AP3B2: variants seen among roughly 807,000 people sequenced by gnomAD.
The protein encoded by AP3B2 is AP-3 complex subunit beta-2.
A neutral mutation model predicts 126.9 loss-of-function variants in AP3B2; 50 were observed. The observed-to-expected ratio is 0.39, with a 90% CI of 0.31 to 0.50. The LOEUF is 0.50. Among genes scored for constraint, AP3B2 ranks in the 20% least tolerant of loss-of-function variants. The pLI is 0.79. For missense variants in AP3B2, 1,177 were observed against 1,426.4 expected, an observed-to-expected ratio of 0.83 and a Z score of 2.82; for synonymous variants, 541 against 565.0, an observed-to-expected ratio of 0.96 and a Z score of 0.60.
chr15:82,673,950 A>C (rs965290640), intron 14 of AP3B2, among the ~76,000 whole-genome samples: 7 of 152,208 alleles, frequency 4.6e-5, no homozygotes, highest in Admixed American at 1.3e-4. Context: ...CCTGCTAGGC[A>C]GTTTCCCCAG....
rs968558186 is a variant in AP3B2, at chr15:82,688,293, A to G, written c.360+443T>C. ...ACCTAACATATGTAAATCCAACTAGAGGCCTTGGGCAAAATGAAACAAAAG... is the reference window on the plus strand; with the variant it reads ...ACCTAACATATGTAAATCCAACTAGGGGCCTTGGGCAAAATGAAACAAAAG... On this transcript the variant is annotated intron_variant, in intron 4 of 26. Transcript: ENST00000535359. 4.8e-6 allele frequency: 3 copies of G among 629,238 alleles called. No homozygotes were observed. In the African/African-American group the frequency reaches 5.5e-5, roughly 11 times the overall value. The allele number at this position is 629,238 out of a possible 1,614,324, so 39.0% of individuals were successfully genotyped here.
intron 14 of AP3B2, among the ~76,000 whole-genome samples, chr15:82,673,477 G>A (rs113854764): frequency 1.8e-4 from 27 of 152,224 alleles, no homozygotes; most frequent in Admixed American, 3.9e-4. Flanking sequence ...GGCTCCCAAA[G>A]TGCTGGGATT....
chr15:82,704,403 G>A (rs1241173365), intron 1 of AP3B2, among the ~76,000 whole-genome samples: 1 of 152,190 alleles, frequency 6.6e-6, no homozygotes, highest in African/African-American at 2.4e-5. Flanking sequence ...TTTCTGAGTT[G>A]TAGTTCCTTG....
Position 82,665,544 on chromosome 15 carries a change from G to C in AP3B2, c.1884C>G (p.Ser628=). 1.2e-6 allele frequency: 2 copies of C among 1,614,000 alleles called. No homozygotes were observed. Among genetic ancestry groups the C allele is most frequent in the Non-Finnish European group, 1.7e-6 (2 of 1,179,888 alleles). Residue 628 remains serine, a synonymous_variant, in exon 16 of 27, where the codon TCC becomes TCG. Coordinates refer to ENST00000535359, the MANE Select transcript of AP3B2 (RefSeq NM_001278512.2). This position sits in a 1 kb window ranked among gnomAD's most constrained non-coding sequence, Gnocchi z 4.4. ...DRDHFQLGSL[S]HLLNAKATGY... is the part of the protein sequence containing the mutation. ...CTGTGGCCTTGGCATTAAGCAGGTG[G>C]GACAGTGAGCCCAGCTGGAAGTGGT...
rs1016911665 is a variant in AP3B2 at position 82,688,948 on chromosome 15, AGT to A, written c.265-119_265-118del. On this transcript the variant is annotated intron_variant, in intron 3 of 26. Coordinates refer to ENST00000535359, the MANE Select transcript of AP3B2 (RefSeq NM_001278512.2). ...GCGGTCCATGGGGACAAACTCTCCCAGTGGGGGAGAGCACCCCTGAGTGTATC... is the reference window on the plus strand; with the variant it reads ...GCGGTCCATGGGGACAAACTCTCCCAGGGGGAGAGCACCCCTGAGTGTATC... 5.7e-6 allele frequency: 6 copies of A among 1,045,216 alleles called. No individual in the cohort carries two copies. The African/African-American group carries it at 7.9e-5, about 14-fold the overall frequency. 64.7% of individuals were successfully genotyped at this position (1,045,216 alleles called of 1,614,324 possible).
In AP3B2 at chr15:82,681,596, G is replaced by T; in HGVS notation, c.361-16C>A. ...GGTTGGGATCCTAAAGGCAGAGGTG[G>T]AGGCAGAGCTATGAAAGGGCACCAG... On this transcript the variant is annotated splice_polypyrimidine_tract_variant and intron_variant, in intron 4 of 26. Coordinates refer to ENST00000535359, the MANE Select transcript of AP3B2 (RefSeq NM_001278512.2). This position sits in a 1 kb window ranked among gnomAD's most constrained non-coding sequence, Gnocchi z 4.0. The T allele has an allele frequency of 6.2e-7, 1 of 1,610,416 alleles. No homozygotes were observed.
Position 82,679,750 on chromosome 15 carries a change from G to T in AP3B2, c.1161C>A (p.Pro387=), listed in dbSNP as rs1596181062. The change falls in exon 10 of 27, where the codon CCC becomes CCA. Residue 387 remains proline (P), a synonymous_variant. Transcript: ENST00000535359. ...TCACCTTCAGGATCTTAATCTGGGTGGGGTCGGTGGACCTGATGTAGAAGC... is the reference window on the plus strand; with the variant it reads ...TCACCTTCAGGATCTTAATCTGGGTTGGGTCGGTGGACCTGATGTAGAAGC... ...LKSFYIRSTD[P]TQIKILKLEV... 1 of 1,613,858 alleles carries T rather than the reference G, an allele frequency of 6.2e-7. No homozygotes were observed. The highest frequency in any genetic ancestry group is 8.5e-7 in the Non-Finnish European group (1 of 1,179,806).
Position 82,665,878 on chromosome 15 carries a change from C to T in AP3B2, c.1853-303G>A, listed in dbSNP as rs949562996. On this transcript the variant is annotated intron_variant, in intron 15 of 26. Transcript: ENST00000535359. The surrounding 1 kb of genome is among the most constrained non-coding windows in gnomAD (Gnocchi z 4.4). ...TGCCGACCTGTCTGCTCAGCATGCA[C>T]GTCTAGTCAGGCTCTGGACTCAGCA... Among the ~76,000 whole-genome samples, 15 of 152,160 alleles carry T rather than the reference C, an allele frequency of 9.9e-5. No homozygotes were observed. The highest frequency in any genetic ancestry group is 2.4e-4 in the African/African-American group (10 of 41,440).
At position 82,680,028 on chromosome 15, in the gene AP3B2, T is replaced by TG; in HGVS notation, c.1110+146dup. 2 of 1,200,872 alleles carry TG rather than the reference T, an allele frequency of 1.7e-6. No individual in the cohort carries two copies. The highest frequency in any genetic ancestry group is 2.3e-6 in the Non-Finnish European group (2 of 853,994). The allele number at this position is 1,200,872 out of a possible 1,614,324, so 74.4% of individuals were successfully genotyped here. On this transcript the variant is annotated intron_variant, in intron 9 of 26. Transcript: ENST00000535359. This position sits in a 1 kb window ranked among gnomAD's most constrained non-coding sequence, Gnocchi z 6.1. Reference sequence around the variant, plus strand: ...CCAGGCCCTGCTCCCTATCTGTATTTGGAGCCTCCCCTGCCCCATCCTCTG... The same window carrying TG: ...CCAGGCCCTGCTCCCTATCTGTATTTGGGAGCCTCCCCTGCCCCATCCTCTG...
At chr15:82,705,545 G>T (rs1433948527) in intron 1 of AP3B2, among the ~76,000 whole-genome samples, 1 of 152,008 alleles carries the variant, frequency 6.6e-6, no homozygotes, top group Non-Finnish European at 1.5e-5. Context: ...CTTCATCTCA[G>T]CCTCTCTTCG....
chr15:82,680,699 C>G lies in AP3B2; in HGVS notation c.828G>C (p.Glu276Asp). The change falls in exon 8 of 27, where the codon GAG (glutamate) becomes GAC (aspartate). Residue 276 changes from glutamate (E) to aspartate (D), a missense_variant. By Grantham distance (45) the Glu-to-Asp change is conservative. Coordinates refer to ENST00000535359, the MANE Select transcript of AP3B2 (RefSeq NM_001278512.2). This position sits in a 1 kb window ranked among gnomAD's most constrained non-coding sequence, Gnocchi z 6.1. The part of the protein sequence containing the change: ...EKAFYGSEED[E>D]AKGAGSEETA... ...TCTCCTCAGACCCCGCGCCCTTGGC[C>G]TCGTCCTCCTCTGAGCCGTAGAAGG... is the stretch of plus-strand genomic sequence containing the variant. 2 of 1,568,006 alleles carry G rather than the reference C, an allele frequency of 1.3e-6. No homozygotes were observed. The highest frequency in any genetic ancestry group is 8.6e-7 in the Non-Finnish European group (1 of 1,161,196).
chr15:82,695,376 G>T (rs2151456156), intron 1 of AP3B2, among the ~76,000 whole-genome samples: 1 of 152,220 alleles, frequency 6.6e-6, no homozygotes, highest in African/African-American at 2.4e-5. Context: ...TGGGATTATA[G>T]GCGTGAGCTG....
chr15:82,706,028 C>T (rs1037713078), intron 1 of AP3B2, among the ~76,000 whole-genome samples: 11 of 152,200 alleles, frequency 7.2e-5, no homozygotes, highest in African/African-American at 2.7e-4. Context: ...GGAATTCTTA[C>T]ACAAGAGCTG....
Position 82,663,100 on chromosome 15 carries a change from C to T in AP3B2, c.2604+27G>A, listed in dbSNP as rs778563402. Reference sequence around the variant, plus strand: ...GCACAGGGATGTGTCCCTGCCCCAGCCCGGTCCCCTCCTCCATCCCACTCA... The same window carrying T: ...GCACAGGGATGTGTCCCTGCCCCAGTCCGGTCCCCTCCTCCATCCCACTCA... On this transcript the variant is annotated intron_variant, in intron 22 of 26. Transcript: ENST00000535359. 3.2e-6 allele frequency: 5 copies of T among 1,579,688 alleles called. No homozygotes were observed. The East Asian group carries it at 9.1e-5, about 29-fold the overall frequency.
chr15:82,681,194 G>A lies in AP3B2; in HGVS notation c.522-16C>T. The A allele has an allele frequency of 6.2e-7, 1 of 1,606,674 alleles. No individual in the cohort carries two copies. Among genetic ancestry groups the A allele is most frequent in the Non-Finnish European group, 8.5e-7 (1 of 1,176,614 alleles). On this transcript the variant is annotated splice_polypyrimidine_tract_variant and intron_variant, in intron 5 of 26. Transcript: ENST00000535359. This position sits in a 1 kb window ranked among gnomAD's most constrained non-coding sequence, Gnocchi z 4.0. ...AGAGTCCAAACTGAGGGAGAAATCG[G>A]TGAGGGGAATTTGCCACTCTCAGCC...
At chr15:82,698,299 C>T (rs1159448141) in intron 1 of AP3B2, among the ~76,000 whole-genome samples, 1 of 151,910 alleles carries the variant, frequency 6.6e-6, no homozygotes, top group East Asian at 1.9e-4. Flanking sequence ...ACACATAAAC[C>T]ACCCACACAA....
chr15:82,701,322 A>G (rs888866025), intron 1 of AP3B2, among the ~76,000 whole-genome samples: 59 of 152,124 alleles, frequency 3.9e-4, no homozygotes, highest in African/African-American at 1.4e-3. Flanking sequence ...CTCTCCCACC[A>G]ATCGCTCCTT....
chr15:82,683,454 C>T (rs2048378533), intron 4 of AP3B2, among the ~76,000 whole-genome samples: 1 of 152,200 alleles, frequency 6.6e-6, no homozygotes, highest in African/African-American at 2.4e-5. Context: ...TCAGTCACAT[C>T]TTCAGGCTCC....
At position 82,663,231 on chromosome 15, in the gene AP3B2, T is replaced by C. The variant is rs1460799267; in HGVS notation, c.2500A>G (p.Thr834Ala). ...EISLLDLEDF[T>A]PPSVQPVSPP... Reference sequence around the variant, plus strand: ...GACACAGGCTGGACACTGGGAGGGGTGACTGTGGGAGTAGATAAGACTATG... The same window carrying C: ...GACACAGGCTGGACACTGGGAGGGGCGACTGTGGGAGTAGATAAGACTATG... Residue 834 changes from threonine (T) to alanine (A), a missense_variant and splice_region_variant, in exon 22 of 27, where the codon ACC becomes GCC. Thr to Ala is a moderately conservative substitution (Grantham distance 58). Coordinates refer to ENST00000535359, the MANE Select transcript of AP3B2 (RefSeq NM_001278512.2). 6.2e-7 allele frequency: 1 copy of C among 1,609,796 alleles called. No homozygotes were observed. The highest frequency in any genetic ancestry group is 2.2e-5 in the East Asian group (1 of 44,794).
Sources: gnomAD v4.1 joint callset for allele counts (sites outside exome capture counted in the v4.1 genomes callset) on GRCh38, gnomAD v4.1.1 for gene constraint, Gnocchi (gnomAD v3.1) non-coding constraint, MANE v1.5 for transcripts, NCBI Gene and HGNC (gene_info 2026-07-23, HGNC 2026-07-21) for gene names.